The following TRMT11 variants were observed in gnomAD, a reference collection of about 807,000 sequenced individuals.
The protein encoded by TRMT11 is tRNA methyltransferase 11, also known as tRNA (guanine(10)-N(2))-methyltransferase TRMT11.
A neutral mutation model predicts 62.8 loss-of-function variants in TRMT11; 53 were observed. The observed-to-expected ratio is 0.84, with a 90% confidence interval of 0.68 to 1.06. TRMT11 has a LOEUF of 1.06. Ranked by LOEUF, TRMT11 falls within the 50% of genes least tolerant of loss-of-function variation. The pLI, the probability that TRMT11 is intolerant of heterozygous loss-of-function variation, is 0.00. For synonymous variants in TRMT11, 188 were observed against 190.3 expected (o/e 0.99, Z 0.10); for missense variants, 556 against 553.4 (o/e 1.00, Z -0.05).
chr6:125,995,987 C>T lies in TRMT11; in HGVS notation c.159C>T (p.Ser53=), dbSNP rs746415095. ...TTTAGTCACCATTTTGGATTCTTAG[C>T]ATTCCCTCTGAAGATATTGCAAGAA... is the stretch of plus-strand genomic sequence containing the variant. ...TYGKSPFWIL[S]IPSEDIARNL... The change falls in exon 3 of 13, where the codon AGC becomes AGT. Residue 53 remains serine, a synonymous_variant. Coordinates refer to ENST00000334379, the MANE Select transcript of TRMT11 (RefSeq NM_001031712.3). 1.2e-6 allele frequency: 2 copies of T among 1,610,986 alleles called. No individual in the cohort carries two copies. The highest frequency in any genetic ancestry group is 1.7e-5 in the Admixed American group (1 of 59,974).
chr6:126,233,465 A>T, the TRMT11 span, among the ~76,000 whole-genome samples: 1 of 152,252 alleles, frequency 6.6e-6, no homozygotes, highest in Non-Finnish European at 1.5e-5. Context: ...GGAAAAGAGA[A>T]TACAACCTGA....
At chr6:126,103,943 C>A (rs977990912) in intron 17 of TRMT11, among the ~76,000 whole-genome samples, 3 of 152,108 alleles carry the variant, frequency 2.0e-5, no homozygotes, top group Admixed American at 2.0e-4. Context: ...CAACAAGAAT[C>A]TGGGGTCATG....
chr6:126,265,168 A>G, the TRMT11 span, among the ~76,000 whole-genome samples: 1 of 152,198 alleles, frequency 6.6e-6, no homozygotes, highest in Non-Finnish European at 1.5e-5. Flanking sequence ...CCTTGTTTAC[A>G]CATGAATAAG....
At chr6:125,990,528 C>T (rs770577132) in intron 1 of TRMT11, among the ~76,000 whole-genome samples, 14 of 152,092 alleles carry the variant, frequency 9.2e-5, no homozygotes, top group Non-Finnish European at 1.8e-4. Context: ...GTAAATGTCT[C>T]AGGGAAAAAG....
At chr6:126,010,171 TC>T (rs1793964941) in intron 8 of TRMT11, among the ~76,000 whole-genome samples, 1 of 152,028 alleles carries the variant, frequency 6.6e-6, no homozygotes, top group African/African-American at 2.4e-5. Context: ...GCCATTATTT[TC>T]CAGCTTCTGT....
At chr6:126,003,181 C>G (rs769227674) in intron 7 of TRMT11, among the ~76,000 whole-genome samples, 1 of 152,050 alleles carries the variant, frequency 6.6e-6, no homozygotes, top group African/African-American at 2.4e-5. Context: ...CTTATCCAAC[C>G]CGCAGCCCAT....
At chr6:126,220,662 T>C in the TRMT11 span, among the ~76,000 whole-genome samples, 1 of 152,226 alleles carries the variant, frequency 6.6e-6, no homozygotes. Context: ...ATACCCATCA[T>C]TACATAATTG....
chr6:126,112,633 A>G (rs1052473673), intron 17 of TRMT11, among the ~76,000 whole-genome samples: 9 of 152,086 alleles, frequency 5.9e-5, no homozygotes, highest in African/African-American at 2.2e-4. Context: ...CAATTAACCA[A>G]TTCTGAAAAT....
chr6:126,040,839 T>C (rs1775855505), downstream of TRMT11, among the ~76,000 whole-genome samples: 1 of 152,154 alleles, frequency 6.6e-6, no homozygotes, highest in Non-Finnish European at 1.5e-5. Flanking sequence ...CCTTCCCGTC[T>C]ATTCTGGTGA....
At chr6:126,104,169 A>G (rs1308864562) in intron 17 of TRMT11, among the ~76,000 whole-genome samples, 1 of 152,236 alleles carries the variant, frequency 6.6e-6, no homozygotes, top group Non-Finnish European at 1.5e-5. Context: ...GATGGAGCCC[A>G]GGAGATAAAG....
chr6:126,038,683 T>C (rs915317929), intron 12 of TRMT11, 22 bp from the exon 13 acceptor site: 3 of 1,540,304 alleles, frequency 1.9e-6, no homozygotes, highest in Non-Finnish European at 1.7e-6. Context: ...ATTTTTACAT[T>C]TTGTATTTTC....
the TRMT11 span, among the ~76,000 whole-genome samples, chr6:126,234,639 T>G: frequency 6.6e-6 from 1 of 152,120 alleles, no homozygotes. Context: ...TTTTGCATAC[T>G]GGGATATGTT....
At chr6:126,073,694 A>T (rs1434856429) in intron 17 of TRMT11, among the ~76,000 whole-genome samples, 2 of 152,162 alleles carry the variant, frequency 1.3e-5, no homozygotes, top group Non-Finnish European at 2.9e-5. Context: ...TACTAAGCCA[A>T]GATACTTTTG....
At chr6:126,203,881 A>G (rs145480874), downstream of TRMT11, among the ~76,000 whole-genome samples, 2,304 of 152,092 alleles carry the variant, frequency 0.015, 49 homozygotes, top group African/African-American at 0.052. Flanking sequence ...AAGCTGTCCA[A>G]CACAATGTAG....
At chr6:126,000,132 C>G (rs1482956393) in intron 7 of TRMT11, among the ~76,000 whole-genome samples, 1 of 152,066 alleles carries the variant, frequency 6.6e-6, no homozygotes, top group Non-Finnish European at 1.5e-5. Flanking sequence ...TATCAATGGG[C>G]TAGATAGCCT....
intron 17 of TRMT11, among the ~76,000 whole-genome samples, chr6:126,091,365 A>G (rs1777275041): frequency 6.6e-6 from 1 of 152,188 alleles, no homozygotes; most frequent in African/African-American, 2.4e-5. Context: ...ACAGGTGGAC[A>G]ACTGTTTAAA....
At chr6:126,252,082 C>A in the TRMT11 span, among the ~76,000 whole-genome samples, 4 of 152,192 alleles carry the variant, frequency 2.6e-5, no homozygotes, top group African/African-American at 9.7e-5. Flanking sequence ...GAAAAAGAAC[C>A]ATTTTAATAT....
chr6:126,021,186 ACCCTTGCCTG>A lies in TRMT11; in HGVS notation c.1167_1176del (p.His389GlnfsTer19), dbSNP rs780386772. 20 of 1,613,830 alleles carry A rather than the reference ACCCTTGCCTG, an allele frequency of 1.2e-5. No homozygotes were observed. The South Asian group carries it at 2.2e-4, about 18-fold the overall frequency. ...TACACTGAAGAGATGGTGCCTTGGC[ACCCTTGCCTG>A]GAACTCGTTAGCAACTGCGAGCAGA... On this transcript the variant is annotated frameshift_variant, in exon 12 of 13. Coordinates refer to ENST00000334379, the MANE Select transcript of TRMT11 (RefSeq NM_001031712.3). LOFTEE classifies it high-confidence loss of function.
In TRMT11 at chr6:125,986,544, A is replaced by G; in HGVS notation, c.-7A>G. 1.3e-6 allele frequency: 2 copies of G among 1,585,244 alleles called. No individual in the cohort carries two copies. Among genetic ancestry groups the G allele is most frequent in the Non-Finnish European group, 1.7e-6 (2 of 1,168,366 alleles). On this transcript the variant is annotated 5_prime_UTR_variant, in exon 1 of 13. Transcript: ENST00000334379. Reference sequence around the variant, plus strand: ...CGGGCCGCGCAGGCGCACGGTGGGCAGCTGCAATGGCGCTGTCGTGTACCC... The same window carrying G: ...CGGGCCGCGCAGGCGCACGGTGGGCGGCTGCAATGGCGCTGTCGTGTACCC...
Sources: allele counts gnomAD v4.1 joint callset (sites outside exome capture counted in the v4.1 genomes callset), GRCh38; gene constraint gnomAD v4.1.1; transcripts MANE v1.5; gene names NCBI Gene and HGNC (gene_info 2026-07-23, HGNC 2026-07-21).